The following ADD2 variants were observed in gnomAD, a reference collection of about 807,000 sequenced individuals.
ADD2 encodes the protein beta-adducin.
A neutral mutation model predicts 83.0 loss-of-function variants in ADD2; 23 were observed. That is an observed-to-expected ratio of 0.28 (90% CI 0.20 to 0.39). The LOEUF (loss-of-function observed/expected upper bound fraction) is 0.39, where lower values mean the gene tolerates loss of function less well. Ranked by LOEUF, ADD2 falls within the 10% of genes least tolerant of loss-of-function variation. The pLI is 1.00. For missense variants in ADD2, 758 were observed against 944.9 expected (o/e 0.80, Z 2.59); for synonymous variants, 375 against 375.4 (o/e 1.00, Z 0.01).
At chr2:70,686,287 T>C (rs2104294149) in intron 9 of ADD2, among the ~76,000 whole-genome samples, 1 of 152,188 alleles carries the variant, frequency 6.6e-6, no homozygotes, top group Non-Finnish European at 1.5e-5. Flanking sequence ...CTCTACCAGC[T>C]GGGGGAAAAA....
At chr2:70,752,165 A>G (rs1674538124) in intron 1 of ADD2, among the ~76,000 whole-genome samples, 3 of 152,210 alleles carry the variant, frequency 2.0e-5, no homozygotes, top group Admixed American at 2.0e-4. Context: ...CAGAAACCCT[A>G]ATTCTCTAAG....
intron 6 of ADD2, 60 bp downstream of exon 6, chr2:70,695,661 G>A: frequency 6.6e-7 from 1 of 1,508,032 alleles, no homozygotes; most frequent in South Asian, 1.1e-5. Flanking sequence ...AGCACTGTGG[G>A]AACAGAGAGA....
chr2:70,678,895 C>A lies in ADD2; in HGVS notation c.1192G>T (p.Val398Leu). The change falls in exon 11 of 16, where the codon GTG (valine) becomes TTG (leucine). Residue 398 changes from valine (V) to leucine (L), a missense_variant. Physicochemically the swap from Val to Leu is conservative, Grantham distance 32 (BLOSUM62 1). Coordinates refer to ENST00000264436, the MANE Select transcript of ADD2 (RefSeq NM_001617.4). ...VQEKTKHKSE[V>L]EIPATVTAFV... ...GCTGTGACCGTGGCTGGAATCTCCA[C>A]CTCACTTTTGTGTTTGGTTTTCTCT... 1.2e-6 allele frequency: 2 copies of A among 1,614,220 alleles called. No individual in the cohort carries two copies. Among genetic ancestry groups the A allele is most frequent in the Non-Finnish European group, 1.7e-6 (2 of 1,180,042 alleles).
At chr2:70,712,460 TAA>T (rs782194928) in intron 2 of ADD2, among the ~76,000 whole-genome samples, 32 of 81,828 alleles carry the variant, frequency 3.9e-4, no homozygotes, top group African/African-American at 8.7e-4. Context: ...AATAAATAAA[TAA>T]AAAAAAAAAA....
At chr2:70,746,383 C>T (rs1328833229) in intron 1 of ADD2, among the ~76,000 whole-genome samples, 16 of 152,200 alleles carry the variant, frequency 1.1e-4, no homozygotes, top group African/African-American at 3.9e-4. Context: ...AATATGCAAA[C>T]ATTAAAAGCA....
chr2:70,687,955 C>A, intron 9 of ADD2, 69 bp downstream of exon 9: 1 of 1,186,066 alleles, frequency 8.4e-7, no homozygotes, highest in South Asian at 1.3e-5. Flanking sequence ...CCAACAGGGT[C>A]ACCACGTTTG....
At chr2:70,675,524 T>C in intron 13 of ADD2, 1 of 985,478 alleles carries the variant, frequency 1.0e-6, no homozygotes, top group Non-Finnish European at 1.2e-6. Flanking sequence ...CTTCAGGAAT[T>C]CTTTGACCCC....
chr2:70,688,267 C>G, intron 8 of ADD2, 145 bp from the exon 9 acceptor site: 1 of 583,422 alleles, frequency 1.7e-6, no homozygotes, highest in South Asian at 2.6e-5. Context: ...TAATCAAATA[C>G]CCCAAAGCTA....
intron 2 of ADD2, chr2:70,711,392 A>G (rs1048459676): frequency 3.3e-5 from 5 of 152,054 alleles, no homozygotes; most frequent in African/African-American, 1.2e-4. Flanking sequence ...AGAAAACCCA[A>G]GCACATGATT....
At chr2:70,727,763 A>T (rs1391787696) in intron 1 of ADD2, among the ~76,000 whole-genome samples, 7 of 151,980 alleles carry the variant, frequency 4.6e-5, no homozygotes, top group Admixed American at 4.6e-4. Flanking sequence ...GGGCGTGGTG[A>T]TGCATGCCTG....
chr2:70,735,856 G>A (rs1436334424), intron 1 of ADD2, among the ~76,000 whole-genome samples: 42 of 116,406 alleles, frequency 3.6e-4, no homozygotes, highest in South Asian at 2.8e-4. Flanking sequence ...AGCCATGCCC[G>A]GCTTTTTTTT....
intron 1 of ADD2, among the ~76,000 whole-genome samples, chr2:70,715,609 T>C (rs11898199): frequency 0.02 from 3,086 of 152,106 alleles, 93 homozygotes; most frequent in African/African-American, 0.065. Flanking sequence ...GGCAGTACAT[T>C]CTAGTCCTTG....
intron 14 of ADD2, chr2:70,673,363 A>C (rs781946171): frequency 6.3e-7 from 1 of 1,596,242 alleles, no homozygotes; most frequent in Non-Finnish European, 8.6e-7. Context: ...TGTCGTGAGC[A>C]CAGAGCACAT....
intron 4 of ADD2, among the ~76,000 whole-genome samples, chr2:70,699,149 G>A (rs1258010743): frequency 6.6e-6 from 1 of 152,096 alleles, no homozygotes; most frequent in African/African-American, 2.4e-5. Context: ...TGGAAAGGAT[G>A]GTAGAGAATA....
At chr2:70,696,199 G>A (rs1553372620) in intron 5 of ADD2, 46 bp downstream of exon 5, 2 of 1,588,820 alleles carry the variant, frequency 1.3e-6, no homozygotes, top group South Asian at 1.1e-5. Context: ...TGGGTTTTGT[G>A]GGACCACATG....
chr2:70,756,413 T>A (rs1416506247), intron 1 of ADD2, among the ~76,000 whole-genome samples: 1 of 152,160 alleles, frequency 6.6e-6, no homozygotes, highest in Non-Finnish European at 1.5e-5. Context: ...ACAATTCATG[T>A]GAATTTCACC....
rs564892951 is a variant in ADD2, at chr2:70,706,587, G to A, written c.-34-145C>T. On this transcript the variant is annotated intron_variant, in intron 2 of 15. Transcript: ENST00000264436. The surrounding 1 kb of genome is among the most constrained non-coding windows in gnomAD (Gnocchi z 5.0). ...GGTAGAGGCAGAGCCTGGGGAGGAGGGCAGGACGCCAGCAGCGGCCCCATA... is the reference window on the plus strand; with the variant it reads ...GGTAGAGGCAGAGCCTGGGGAGGAGAGCAGGACGCCAGCAGCGGCCCCATA... The A allele has an allele frequency of 9.6e-5, 71 of 737,630 alleles. No individual in the cohort carries two copies. In the African/African-American group the frequency reaches 1.1e-3, roughly 12 times the overall value. The allele number at this position is 737,630 out of a possible 1,614,324, so 45.7% of individuals were successfully genotyped here.
At chr2:70,727,115 A>C (rs1391108388) in intron 1 of ADD2, among the ~76,000 whole-genome samples, 2 of 152,220 alleles carry the variant, frequency 1.3e-5, no homozygotes, top group Non-Finnish European at 2.9e-5. Flanking sequence ...CGTGGGAAGA[A>C]TGCTAGGATT....
In ADD2 at chr2:70,706,753, C is replaced by T. The variant is rs34894592; in HGVS notation, c.-34-311G>A. Among the ~76,000 whole-genome samples, 217 of 152,324 alleles carry T rather than the reference C, an allele frequency of 1.4e-3. No homozygotes were observed. Among genetic ancestry groups the T allele is most frequent in the South Asian group, 3.3e-3 (16 of 4,826 alleles). The stretch of plus-strand genomic sequence containing the variant: ...AGAGTTCCCCGAATGGAAACATGAC[C>T]TGCAGACCTTGTTGAGCATTTCTGT... On this transcript the variant is annotated intron_variant, in intron 2 of 15. Coordinates refer to ENST00000264436, the MANE Select transcript of ADD2 (RefSeq NM_001617.4). This position sits in a 1 kb window ranked among gnomAD's most constrained non-coding sequence, Gnocchi z 5.0.
Sources: allele counts gnomAD v4.1 joint callset (sites outside exome capture counted in the v4.1 genomes callset), GRCh38; gene constraint gnomAD v4.1.1; non-coding constraint Gnocchi (gnomAD v3.1); transcripts MANE v1.5; gene names NCBI Gene and HGNC (gene_info 2026-07-23, HGNC 2026-07-21).